Variants in SUSD1 observed in about 807,000 individuals in gnomAD.
SUSD1 encodes the protein sushi domain containing 1.
Under a neutral mutation model 86.9 loss-of-function variants are expected in SUSD1, and 65 were observed. The ratio of observed to expected loss-of-function variants is 0.75; its 90% CI spans 0.61 to 0.92. The LOEUF (loss-of-function observed/expected upper bound fraction) is 0.92, where lower values mean the gene tolerates loss of function less well. Ranked by LOEUF, SUSD1 falls within the 40% of genes least tolerant of loss-of-function variation. The pLI is 0.00. For missense variants in SUSD1, 850 were observed against 929.7 expected (o/e 0.91, Z 1.11); for synonymous variants, 346 against 350.0 (o/e 0.99, Z 0.13).
At chr9:112,094,538 T>C (rs757082956) in intron 10 of SUSD1, among the ~76,000 whole-genome samples, 1 of 152,148 alleles carries the variant, frequency 6.6e-6, no homozygotes, top group Non-Finnish European at 1.5e-5. Context: ...TAGCAAAAAG[T>C]GTACACCTAG....
At chr9:112,081,425 C>T (rs145175863) in intron 10 of SUSD1, among the ~76,000 whole-genome samples, 46 of 152,112 alleles carry the variant, frequency 3.0e-4, no homozygotes, top group Non-Finnish European at 5.4e-4. Flanking sequence ...AGGTAGGGAA[C>T]AGGAGGAAAA....
rs1183053231 is a variant in SUSD1, at chr9:112,113,726, G to C, written c.887-858C>G. Among the ~76,000 whole-genome samples the C allele has an allele frequency of 6.6e-6, 1 of 152,150 alleles. No individual in the cohort carries two copies. Among genetic ancestry groups the C allele is most frequent in the East Asian group, 1.9e-4 (1 of 5,178 alleles). On this transcript the variant is annotated intron_variant, in intron 6 of 16. Coordinates refer to ENST00000374270, the MANE Select transcript of SUSD1 (RefSeq NM_022486.5). This position sits in a 1 kb window ranked among gnomAD's most constrained non-coding sequence, Gnocchi z 4.1. The stretch of plus-strand genomic sequence containing the variant: ...GTTGGCGGATTACCTGAGCTCAGAA[G>C]TTTGAGACCAGCCTGGCCAACATAG...
At chr9:112,146,627 C>A (rs1832820767) in intron 3 of SUSD1, among the ~76,000 whole-genome samples, 2 of 146,598 alleles carry the variant, frequency 1.4e-5, no homozygotes, top group Admixed American at 1.4e-4. Flanking sequence ...CCTCATTCTT[C>A]TTCCTAACTT....
intron 4 of SUSD1, 51 bp downstream of exon 4, chr9:112,143,420 C>T (rs574279800): frequency 6.3e-7 from 1 of 1,593,164 alleles, no homozygotes; most frequent in East Asian, 2.2e-5. Context: ...AAGAAAGTCA[C>T]CATCAACAGA....
intron 5 of SUSD1, among the ~76,000 whole-genome samples, chr9:112,127,378 G>C (rs561255568): frequency 3.3e-5 from 5 of 152,054 alleles, no homozygotes; most frequent in Admixed American, 1.3e-4. Flanking sequence ...ATCTCAAAAA[G>C]AAAAAGAAAA....
rs575334118 is a variant in SUSD1 at position 112,136,542 on chromosome 9, GTA to G, written c.706+5776_706+5777del. 1.4e-3 allele frequency among the ~76,000 whole-genome samples: 217 copies of G among 152,274 alleles called. 1 individual carries two copies. The highest frequency in any genetic ancestry group is 4.9e-3 in the African/African-American group (203 of 41,562). On this transcript the variant is annotated intron_variant, in intron 5 of 16. Coordinates refer to ENST00000374270, the MANE Select transcript of SUSD1 (RefSeq NM_022486.5). ...AGCCATCATGCCCAGTCCAGAAAATGTATTTCAAATGAGCAAACATCCTATCA... is the reference window on the plus strand; with the variant it reads ...AGCCATCATGCCCAGTCCAGAAAATGTTTCAAATGAGCAAACATCCTATCA...
intron 14 of SUSD1, 150 bp from the exon 15 acceptor site, chr9:112,052,588 T>C: frequency 2.3e-6 from 2 of 869,626 alleles, no homozygotes; most frequent in Non-Finnish European, 3.6e-6. Context: ...TCTAATATCT[T>C]GTGATATCAC....
intron 11 of SUSD1, 34 bp downstream of exon 11, chr9:112,080,040 C>A: frequency 6.7e-7 from 1 of 1,494,576 alleles, no homozygotes; most frequent in Non-Finnish European, 9.3e-7. Flanking sequence ...CATAAGACAA[C>A]CATCTATAAA....
At chr9:112,112,101 G>A (rs375835596) in intron 7 of SUSD1, 1 of 342,628 alleles carries the variant, frequency 2.9e-6, no homozygotes, top group Non-Finnish European at 5.3e-6. Context: ...ATTGCAACCT[G>A]AGGACCATTG....
At position 112,042,058 on chromosome 9, in the gene SUSD1, C is replaced by T. The variant is rs747342903; in HGVS notation, c.2150-98G>A. 5 of 1,557,282 alleles carry T rather than the reference C, an allele frequency of 3.2e-6. No homozygotes were observed. The Admixed American group carries it at 9.7e-5, about 30-fold the overall frequency. The stretch of plus-strand genomic sequence containing the variant: ...GTGCTCAATCCATTTTAACCCAGAG[C>T]TTGGCCCCATTTAACAAAGAATCCC... On this transcript the variant is annotated intron_variant, in intron 15 of 16. Transcript: ENST00000374270.
At chr9:112,092,303 C>G (rs1830235603) in intron 10 of SUSD1, among the ~76,000 whole-genome samples, 1 of 152,216 alleles carries the variant, frequency 6.6e-6, no homozygotes, top group Non-Finnish European at 1.5e-5. Context: ...TTGTGCTTTT[C>G]TGTGTTCAGG....
intron 8 of SUSD1, among the ~76,000 whole-genome samples, chr9:112,109,944 C>G (rs1371216804): frequency 2.6e-5 from 4 of 152,154 alleles, no homozygotes; most frequent in Non-Finnish European, 5.9e-5. Flanking sequence ...TTAAGATTGG[C>G]AGACTTTTTC....
chr9:112,128,244 C>A (rs966645135), intron 5 of SUSD1, among the ~76,000 whole-genome samples: 1 of 151,492 alleles, frequency 6.6e-6, no homozygotes, highest in Admixed American at 6.6e-5. Context: ...AGGCATGCAC[C>A]ACCACACCCA....
At chr9:112,133,822 C>T (rs753104015) in intron 5 of SUSD1, among the ~76,000 whole-genome samples, 1 of 152,158 alleles carries the variant, frequency 6.6e-6, no homozygotes, top group Non-Finnish European at 1.5e-5. Flanking sequence ...ATGCATCTGA[C>T]AAAGGTCTAA....
At chr9:112,171,088 G>A (rs1193928602) in intron 1 of SUSD1, among the ~76,000 whole-genome samples, 1 of 152,134 alleles carries the variant, frequency 6.6e-6, no homozygotes, top group East Asian at 1.9e-4. Context: ...AGCCCCAAAT[G>A]GTCAGGCTTT....
intron 2 of SUSD1, among the ~76,000 whole-genome samples, chr9:112,151,912 T>C (rs1237780016): frequency 2.0e-5 from 3 of 152,052 alleles, no homozygotes; most frequent in African/African-American, 7.2e-5. Flanking sequence ...TACATGCCTG[T>C]AATCTCAGTT....
intron 5 of SUSD1, among the ~76,000 whole-genome samples, chr9:112,138,450 G>A: frequency 6.7e-6 from 1 of 148,966 alleles, no homozygotes; most frequent in Non-Finnish European, 1.5e-5. Context: ...ACTTATCTAT[G>A]TCAATAAATA....
chr9:112,143,130 G>T (rs1375975023), intron 4 of SUSD1, among the ~76,000 whole-genome samples: 1 of 150,836 alleles, frequency 6.6e-6, no homozygotes, highest in Admixed American at 6.6e-5. Context: ...GATTACAGGT[G>T]CCCACCACCA....
intron 12 of SUSD1, among the ~76,000 whole-genome samples, chr9:112,069,870 T>C (rs1456035101): frequency 6.6e-6 from 1 of 152,144 alleles, no homozygotes; most frequent in Non-Finnish European, 1.5e-5. Context: ...TGTCACTCTT[T>C]CCCAATCTAG....
Sources: allele counts gnomAD v4.1 joint callset (sites outside exome capture counted in the v4.1 genomes callset), GRCh38; gene constraint gnomAD v4.1.1; non-coding constraint Gnocchi (gnomAD v3.1); transcripts MANE v1.5; gene names NCBI Gene and HGNC (gene_info 2026-07-23, HGNC 2026-07-21).